The following RUVBL1 variants were observed in gnomAD, a reference collection of about 807,000 sequenced individuals.
RUVBL1 encodes RuvB like AAA ATPase 1, also known as ruvB-like 1.
RUVBL1 carries 4 observed loss-of-function variants against 52.4 expected under a neutral mutation model. The ratio of observed to expected loss-of-function variants is 0.08; its 90% CI spans 0.04 to 0.17. The LOEUF (loss-of-function observed/expected upper bound fraction) is 0.17. RUVBL1 is among the 10% of genes least tolerant of loss of function. RUVBL1 has a pLI of 1.00. For missense variants in RUVBL1, 298 were observed against 572.8 expected (o/e 0.52, Z 4.90); for synonymous variants, 217 against 214.4 (o/e 1.01, Z -0.10).
downstream of RUVBL1, among the ~76,000 whole-genome samples, chr3:128,079,504 G>A (rs778141407): frequency 5.3e-5 from 8 of 152,148 alleles, no homozygotes; most frequent in Non-Finnish European, 8.8e-5. Context: ...ACAGTCCCTG[G>A]TGCAATAAGC....
At chr3:128,102,574 G>C (rs532049894) in intron 4 of RUVBL1, among the ~76,000 whole-genome samples, 2 of 152,382 alleles carry the variant, frequency 1.3e-5, no homozygotes, top group Non-Finnish European at 2.9e-5. Context: ...AGGACTTGGT[G>C]AAAGAAGCCA....
At chr3:128,095,986 C>G (rs1019327374) in intron 8 of RUVBL1, among the ~76,000 whole-genome samples, 2 of 152,194 alleles carry the variant, frequency 1.3e-5, no homozygotes, top group African/African-American at 2.4e-5. Context: ...GGCCCACCAT[C>G]ATTCAGAGCT....
chr3:128,140,791 A>T (rs1186212442), intron 1 of RUVBL1, among the ~76,000 whole-genome samples: 1 of 152,214 alleles, frequency 6.6e-6, no homozygotes, highest in East Asian at 1.9e-4. Flanking sequence ...GAAATAATTG[A>T]TATTCAATAT....
chr3:128,077,028 T>G (rs982118167), downstream of RUVBL1, among the ~76,000 whole-genome samples: 58 of 150,714 alleles, frequency 3.8e-4, no homozygotes, highest in Non-Finnish European at 7.0e-4. Context: ...GCCCATCTTA[T>G]CGCGGCGGCC....
chr3:128,097,042 C>CT (rs1021179586), intron 8 of RUVBL1, among the ~76,000 whole-genome samples: 5 of 152,142 alleles, frequency 3.3e-5, no homozygotes, highest in Admixed American at 6.5e-5. Flanking sequence ...TTTGTACACT[C>CT]CAATTGAACG....
At chr3:128,096,548 C>T (rs115054962) in intron 8 of RUVBL1, among the ~76,000 whole-genome samples, 2,130 of 152,190 alleles carry the variant, frequency 0.014, 46 homozygotes, top group African/African-American at 0.048. Context: ...ATGCTGGGGC[C>T]GGGCGTGGTG....
rs1943188395 is a variant in RUVBL1 at position 128,104,905 on chromosome 3, G to T, written c.381C>A (p.Thr127=). ...TGACTTCACCTTCATAAACTTCCTTGGTCTCCTTTATTCGCAGCCCTGGAA... is the reference window on the plus strand; with the variant it reads ...TGACTTCACCTTCATAAACTTCCTTTGTCTCCTTTATTCGCAGCCCTGGAA... The part of the protein sequence containing the change: ...RRAIGLRIKE[T]KEVYEGEVTE... The change falls in exon 4 of 11, where the codon ACC becomes ACA. Residue 127 remains threonine, a synonymous_variant. Coordinates refer to ENST00000322623, the MANE Select transcript of RUVBL1 (RefSeq NM_003707.3). 6.2e-7 allele frequency: 1 copy of T among 1,609,204 alleles called. No homozygotes were observed. The highest frequency in any genetic ancestry group is 8.5e-7 in the Non-Finnish European group (1 of 1,176,092).
At chr3:128,086,997 T>C (rs1418658126) in intron 9 of RUVBL1, among the ~76,000 whole-genome samples, 1 of 152,276 alleles carries the variant, frequency 6.6e-6, no homozygotes, top group African/African-American at 2.4e-5. Context: ...TCTTATTATA[T>C]GATCAGTTTC....
chr3:128,153,269 GCA>G, exon 1 of RUVBL1: 3 of 1,353,206 alleles, frequency 2.2e-6, no homozygotes, highest in Non-Finnish European at 2.8e-6. Context: ...GAGGCTTCAG[GCA>G]GGAGGAGCCA....
At chr3:128,099,092 G>C (rs1057130074) in intron 6 of RUVBL1, 147 bp from the exon 7 acceptor site, 7 of 652,680 alleles carry the variant, frequency 1.1e-5, no homozygotes, top group African/African-American at 5.4e-5. Flanking sequence ...AAACACAGAG[G>C]AATTTTTAGA....
chr3:128,131,805 G>A (rs542041388), intron 1 of RUVBL1, among the ~76,000 whole-genome samples: 4 of 152,264 alleles, frequency 2.6e-5, no homozygotes, highest in Non-Finnish European at 5.9e-5. Flanking sequence ...AAACAACTAG[G>A]AGTTGCCTAT....
intron 3 of RUVBL1, among the ~76,000 whole-genome samples, chr3:128,111,831 T>C (rs960796227): frequency 6.6e-6 from 1 of 152,220 alleles, no homozygotes; most frequent in African/African-American, 2.4e-5. Context: ...TAAGAATACT[T>C]ACTTTGGTTT....
intron 1 of RUVBL1, among the ~76,000 whole-genome samples, chr3:128,138,353 A>G (rs1228372764): frequency 6.6e-6 from 1 of 152,152 alleles, no homozygotes; most frequent in Non-Finnish European, 1.5e-5. Context: ...TGATAAACAA[A>G]TTCAATAAAG....
chr3:128,089,858 C>T (rs1423655118), intron 8 of RUVBL1, among the ~76,000 whole-genome samples: 2 of 126,302 alleles, frequency 1.6e-5, no homozygotes, highest in African/African-American at 6.1e-5. Flanking sequence ...TGCAGTGAGC[C>T]AAGACTATGC....
At chr3:128,129,372 AG>A (rs1244335008) in intron 1 of RUVBL1, among the ~76,000 whole-genome samples, 1 of 152,244 alleles carries the variant, frequency 6.6e-6, no homozygotes, top group African/African-American at 2.4e-5. Context: ...TGACAACAAA[AG>A]AACAACGTAC....
chr3:128,136,359 T>C (rs1007462791), intron 1 of RUVBL1, among the ~76,000 whole-genome samples: 50 of 152,052 alleles, frequency 3.3e-4, no homozygotes, highest in Admixed American at 1.4e-3. Flanking sequence ...CTGCCAGGTG[T>C]GGTGGCTCAT....
At chr3:128,138,314 A>C (rs1327940516) in intron 1 of RUVBL1, among the ~76,000 whole-genome samples, 1 of 152,150 alleles carries the variant, frequency 6.6e-6, no homozygotes, top group African/African-American at 2.4e-5. Flanking sequence ...ACACACACAC[A>C]AACACACCGA....
intron 1 of RUVBL1, among the ~76,000 whole-genome samples, chr3:128,144,641 G>A (rs1398075495): frequency 1.3e-5 from 2 of 152,222 alleles, no homozygotes; most frequent in Non-Finnish European, 1.5e-5. Context: ...TCAAAGATAT[G>A]CAAGGTGAGG....
intron 4 of RUVBL1, among the ~76,000 whole-genome samples, chr3:128,104,432 G>A (rs1391599953): frequency 6.6e-6 from 1 of 152,186 alleles, no homozygotes; most frequent in Non-Finnish European, 1.5e-5. Flanking sequence ...AAAAATTAAT[G>A]CCCAGGTTCA....
Sources: gnomAD v4.1 joint callset for allele counts (sites outside exome capture counted in the v4.1 genomes callset) on GRCh38, gnomAD v4.1.1 for gene constraint, MANE v1.5 for transcripts, NCBI Gene and HGNC (gene_info 2026-07-23, HGNC 2026-07-21) for gene names.